The following USH2A variants were observed in gnomAD, a reference collection of about 807,000 sequenced individuals.
USH2A encodes Usher syndrome 2A (autosomal recessive, mild).
USH2A carries 443 observed loss-of-function variants against 538.9 expected under a neutral mutation model. The observed-to-expected ratio is 0.82, with a 90% CI of 0.76 to 0.89. The LOEUF (loss-of-function observed/expected upper bound fraction) is 0.89. Ranked by LOEUF, USH2A falls within the 40% of genes least tolerant of loss-of-function variation. The probability of loss-of-function intolerance (pLI) is 0.00; values close to 1 mark genes in which losing one functional copy is unlikely to be tolerated. For synonymous variants in USH2A, 2,413 were observed against 2,273.5 expected, an observed-to-expected ratio of 1.06 and a Z score of -1.75; for missense variants, 6,633 against 6,324.8, an observed-to-expected ratio of 1.05 and a Z score of -1.65.
At chr1:215,852,867 C>T (rs1368708553) in intron 44 of USH2A, among the ~76,000 whole-genome samples, 2 of 152,220 alleles carry the variant, frequency 1.3e-5, no homozygotes, top group African/African-American at 4.8e-5. Flanking sequence ...GGCAGCTCTG[C>T]ACCTGTGGCT....
At chr1:215,695,410 G>C (rs1658772423) in intron 61 of USH2A, among the ~76,000 whole-genome samples, 1 of 152,152 alleles carries the variant, frequency 6.6e-6, no homozygotes, top group African/African-American at 2.4e-5. Flanking sequence ...CTACCTAAAA[G>C]GTCCACAGAA....
chr1:216,410,610 T>C (rs1308045641), intron 3 of USH2A, among the ~76,000 whole-genome samples: 1 of 152,102 alleles, frequency 6.6e-6, no homozygotes, highest in Non-Finnish European at 1.5e-5. Flanking sequence ...TTCTCAATAA[T>C]GCTAATAATT....
intron 41 of USH2A, among the ~76,000 whole-genome samples, chr1:215,883,747 G>A (rs1323316067): frequency 1.3e-5 from 2 of 152,014 alleles, no homozygotes; most frequent in African/African-American, 4.8e-5. Context: ...TGGTTCCAAT[G>A]ACCATTTGTC....
Position 216,396,132 on chromosome 1 carries a change from G to A in USH2A, c.651+22382C>T, listed in dbSNP as rs182923048. Reference sequence around the variant, plus strand: ...AGAAATATGTAAAAAATCTGTAATCGCAGTAAATACAATATGACTTAAACA... The same window carrying A: ...AGAAATATGTAAAAAATCTGTAATCACAGTAAATACAATATGACTTAAACA... On this transcript the variant is annotated intron_variant, in intron 3 of 71. Coordinates refer to ENST00000307340, the MANE Select transcript of USH2A (RefSeq NM_206933.4). Among the ~76,000 whole-genome samples the A allele has an allele frequency of 1.7e-4, 26 of 152,002 alleles. No homozygotes were observed. In the East Asian group the frequency reaches 2.7e-3, roughly 16 times the overall value.
At chr1:215,822,181 G>A (rs1485066925) in intron 47 of USH2A, among the ~76,000 whole-genome samples, 1 of 151,736 alleles carries the variant, frequency 6.6e-6, no homozygotes, top group African/African-American at 2.4e-5. Flanking sequence ...CTTTTGATAT[G>A]TATTACATTG....
intron 43 of USH2A, among the ~76,000 whole-genome samples, chr1:215,875,287 C>T (rs1051238332): frequency 6.8e-5 from 10 of 146,578 alleles, no homozygotes; most frequent in East Asian, 2.0e-4. Context: ...AGAAGAAATG[C>T]TTTTTTTTTT....
At chr1:215,855,524 A>G (rs538220645) in intron 44 of USH2A, among the ~76,000 whole-genome samples, 53 of 152,330 alleles carry the variant, frequency 3.5e-4, no homozygotes, top group African/African-American at 1.2e-3. Context: ...AACAAATCCC[A>G]TATACATGGA....
chr1:216,310,350 T>A (rs1049553398), intron 9 of USH2A, among the ~76,000 whole-genome samples: 2 of 152,114 alleles, frequency 1.3e-5, no homozygotes, highest in African/African-American at 4.8e-5. Context: ...ATAAAGCTTA[T>A]AATATACATT....
At chr1:215,920,085 G>GA (rs200257784) in intron 38 of USH2A, among the ~76,000 whole-genome samples, 27 of 73,094 alleles carry the variant, frequency 3.7e-4, no homozygotes, top group Admixed American at 2.2e-3. Context: ...TGATAAATGA[G>GA]AAAAAAAATG....
At chr1:215,666,141 G>A in intron 64 of USH2A, among the ~76,000 whole-genome samples, 1 of 152,128 alleles carries the variant, frequency 6.6e-6, no homozygotes, top group Non-Finnish European at 1.5e-5. Context: ...CAGAATTCTG[G>A]AAGCTATGCT....
chr1:215,680,892 C>G (rs563995420), intron 61 of USH2A, among the ~76,000 whole-genome samples: 9 of 152,126 alleles, frequency 5.9e-5, no homozygotes, highest in Admixed American at 2.0e-4. Flanking sequence ...GTATATATAT[C>G]TTACGAATTC....
At chr1:215,813,278 A>AAT (rs1662754127) in intron 49 of USH2A, among the ~76,000 whole-genome samples, 1 of 152,146 alleles carries the variant, frequency 6.6e-6, no homozygotes, top group Non-Finnish European at 1.5e-5. Context: ...ATGATGAGAG[A>AAT]ATATTGCCAG....
chr1:215,846,440 C>T (rs969092375), intron 44 of USH2A, among the ~76,000 whole-genome samples: 6 of 152,154 alleles, frequency 3.9e-5, no homozygotes, highest in Admixed American at 6.5e-5. Flanking sequence ...CCTCAAACTT[C>T]TGGCCTCAAG....
chr1:215,880,735 T>G (rs1384718427), intron 41 of USH2A, among the ~76,000 whole-genome samples: 1 of 152,218 alleles, frequency 6.6e-6, no homozygotes, highest in Non-Finnish European at 1.5e-5. Context: ...CTGACTAATC[T>G]GAAGAATACG....
chr1:215,857,008 C>T (rs1471018921), intron 44 of USH2A, among the ~76,000 whole-genome samples: 1 of 152,006 alleles, frequency 6.6e-6, no homozygotes, highest in African/African-American at 2.4e-5. Context: ...TAAGTGAGAG[C>T]TAAACTGTAA....
rs565579044 is a variant in USH2A, at chr1:216,210,539, C to T, written c.3158-3108G>A. ...CTCACAAGAAGCAGGGACCCCTCTT[C>T]TTCTTCCCCATGTTACCCTTCCTGT... is the stretch of plus-strand genomic sequence containing the variant. On this transcript the variant is annotated intron_variant, in intron 15 of 71. Coordinates refer to ENST00000307340, the MANE Select transcript of USH2A (RefSeq NM_206933.4). Among the ~76,000 whole-genome samples, 9 of 152,286 alleles carry T rather than the reference C, an allele frequency of 5.9e-5. No individual in the cohort carries two copies. The South Asian group carries it at 1.4e-3, about 25-fold the overall frequency.
rs895399443 is a variant in USH2A at position 215,754,249 on chromosome 1, C to T, written c.11389+4346G>A. On this transcript the variant is annotated intron_variant, in intron 58 of 71. Transcript: ENST00000307340. ...TGGCAAATACACCAAGTAATATGAA[C>T]GTATGTACACGACATTTGTTATCAG... is the stretch of plus-strand genomic sequence containing the variant. Among the ~76,000 whole-genome samples the T allele has an allele frequency of 4.6e-5, 7 of 152,088 alleles. No homozygotes were observed. The South Asian group carries it at 8.3e-4, about 18-fold the overall frequency.
chr1:216,028,623 A>G (rs1469850861), intron 32 of USH2A, among the ~76,000 whole-genome samples: 1 of 152,090 alleles, frequency 6.6e-6, no homozygotes, highest in African/African-American at 2.4e-5. Flanking sequence ...AAACCACCAT[A>G]AACAAAGTAA....
In USH2A at chr1:215,799,327, A is replaced by G. The variant is rs11120636; in HGVS notation, c.9740-202T>C. On this transcript the variant is annotated intron_variant, in intron 49 of 71. Transcript: ENST00000307340. ...AACGTGTGTCAGATCAGATACACAC[A>G]TGGCAACTTACAGGTAAGTCTATGT... Among the ~76,000 whole-genome samples, 2,761 of 152,326 alleles carry G rather than the reference A, an allele frequency of 0.018. 90 individuals carry two copies. The highest frequency in any genetic ancestry group is 0.063 in the African/African-American group (2,630 of 41,580).
Sources: gnomAD v4.1 joint callset for allele counts (sites outside exome capture counted in the v4.1 genomes callset) on GRCh38, gnomAD v4.1.1 for gene constraint, MANE v1.5 for transcripts, NCBI Gene and HGNC (gene_info 2026-07-23, HGNC 2026-07-21) for gene names.